Variants in DNAH11 observed in about 807,000 individuals in gnomAD.
The protein encoded by DNAH11 is dynein axonemal heavy chain 11, also known as axonemal beta dynein heavy chain 11.
A neutral mutation model predicts 526.0 loss-of-function variants in DNAH11; 442 were observed. That is an observed-to-expected ratio of 0.84 (90% CI 0.78 to 0.91). DNAH11 has a LOEUF of 0.91. Ranked by LOEUF, DNAH11 falls within the 40% of genes least tolerant of loss-of-function variation. The pLI is 0.00. For synonymous variants in DNAH11, 2,461 were observed against 1,935.9 expected (o/e 1.27, Z -7.12); for missense variants, 6,989 against 5,448.7 (o/e 1.28, Z -8.90).
chr7:21,619,291 A>C, intron 24 of DNAH11, 69 bp downstream of exon 24: 2 of 1,544,216 alleles, frequency 1.3e-6, no homozygotes, highest in South Asian at 2.4e-5. Flanking sequence ...GCCAACTTAG[A>C]GAAAAGTCCT....
At chr7:21,545,246 G>C (rs1356988322) in intron 2 of DNAH11, 97 bp downstream of exon 2, 1 of 829,452 alleles carries the variant, frequency 1.2e-6, no homozygotes, top group African/African-American at 2.1e-5. Context: ...GAAGAGCTAG[G>C]AGGGGAAGGG....
chr7:21,822,001 C>T (rs375018924), intron 65 of DNAH11, among the ~76,000 whole-genome samples: 2 of 151,854 alleles, frequency 1.3e-5, no homozygotes, highest in East Asian at 1.9e-4. Flanking sequence ...TAACATAATA[C>T]CCTCCAGTTC....
chr7:21,630,995 G>T (rs565281558), intron 25 of DNAH11, among the ~76,000 whole-genome samples: 1 of 152,040 alleles, frequency 6.6e-6, no homozygotes, highest in Non-Finnish European at 1.5e-5. Context: ...TCCTGATAAC[G>T]ACATACCCAG....
At chr7:21,563,859 G>A (rs1003792467) in intron 5 of DNAH11, among the ~76,000 whole-genome samples, 1 of 152,128 alleles carries the variant, frequency 6.6e-6, no homozygotes, top group South Asian at 2.1e-4. Flanking sequence ...ATTGCAGAGA[G>A]GTTTTATTCC....
In DNAH11 at chr7:21,590,125, A is replaced by G. The variant is rs187902672; in HGVS notation, c.2169+722A>G. 2.0e-5 allele frequency among the ~76,000 whole-genome samples: 3 copies of G among 152,310 alleles called. No individual in the cohort carries two copies. The East Asian group carries it at 5.8e-4, about 29-fold the overall frequency. ...TTCTCAATTCTCATAATTTCATTAC[A>G]TGTTATGTAACAATGGGATTTTTGT... On this transcript the variant is annotated intron_variant, in intron 12 of 81. Coordinates refer to ENST00000409508, the MANE Select transcript of DNAH11 (RefSeq NM_001277115.2).
At chr7:21,560,018 T>C (rs1783391198) in intron 4 of DNAH11, among the ~76,000 whole-genome samples, 1 of 152,210 alleles carries the variant, frequency 6.6e-6, no homozygotes, top group African/African-American at 2.4e-5. Context: ...TTGGAAATAT[T>C]GTGCTACCTT....
intron 76 of DNAH11, among the ~76,000 whole-genome samples, chr7:21,885,960 G>T (rs1359000811): frequency 2.6e-5 from 4 of 152,142 alleles, no homozygotes; most frequent in African/African-American, 7.2e-5. Flanking sequence ...GTACTACAGA[G>T]GGTGAGCGTG....
chr7:21,901,371 TTTTTCAACGC>T lies in DNAH11; in HGVS notation c.*119_*128del. The T allele has an allele frequency of 2.2e-6, 3 of 1,338,330 alleles. No individual in the cohort carries two copies. Among genetic ancestry groups the T allele is most frequent in the Non-Finnish European group, 2.9e-6 (3 of 1,026,968 alleles). 82.9% of individuals were successfully genotyped at this position (1,338,330 alleles called of 1,614,324 possible). A position where few individuals can be genotyped will look rare whatever the true frequency, so the allele number is the denominator to read the frequency against. On this transcript the variant is annotated 3_prime_UTR_variant, in exon 82 of 82. Coordinates refer to ENST00000409508, the MANE Select transcript of DNAH11 (RefSeq NM_001277115.2). Reference sequence around the variant, plus strand: ...TTTTAGTAACTCACACGTGCATTCTTTTTTCAACGCTATCCTTAGAGTGAAAGTCAGAAAA... The same window carrying T: ...TTTTAGTAACTCACACGTGCATTCTTTATCCTTAGAGTGAAAGTCAGAAAA...
At chr7:21,570,499 A>C in intron 7 of DNAH11, 200 bp downstream of exon 7, 1 of 460,746 alleles carries the variant, frequency 2.2e-6, no homozygotes, top group East Asian at 3.4e-5. Context: ...ATTTTTTAAA[A>C]GTTCATTTTT....
At position 21,735,042 on chromosome 7, in the gene DNAH11, C is replaced by T. The variant is rs552024690; in HGVS notation, c.7441-598C>T. Among the ~76,000 whole-genome samples the T allele has an allele frequency of 8.7e-5, 13 of 149,204 alleles. 1 individual carries two copies. The East Asian group carries it at 2.4e-3, about 28-fold the overall frequency. ...AAAATTAGCCGGGCGTGGTGGTGCA[C>T]ACCTGTAGTCCCAACTACTCAGGAG... On this transcript the variant is annotated intron_variant, in intron 45 of 81. Coordinates refer to ENST00000409508, the MANE Select transcript of DNAH11 (RefSeq NM_001277115.2).
At chr7:21,899,490 A>G (rs1332744228) in intron 80 of DNAH11, 42 bp downstream of exon 80, 2 of 1,480,786 alleles carry the variant, frequency 1.4e-6, no homozygotes, top group Non-Finnish European at 1.9e-6. Context: ...ACACAGGACC[A>G]CAGCCTAACC....
chr7:21,727,724 G>A (rs888803946), intron 45 of DNAH11, among the ~76,000 whole-genome samples: 13 of 152,234 alleles, frequency 8.5e-5, no homozygotes, highest in African/African-American at 3.1e-4. Context: ...TTATTAGGAG[G>A]CAATTAGTGC....
At chr7:21,614,074 G>C (rs1228950932) in intron 20 of DNAH11, among the ~76,000 whole-genome samples, 1 of 152,024 alleles carries the variant, frequency 6.6e-6, no homozygotes, top group African/African-American at 2.4e-5. Flanking sequence ...ACTGTGCCCA[G>C]CCTCGCAATT....
chr7:21,803,653 TC>T (rs1012766699), intron 62 of DNAH11, among the ~76,000 whole-genome samples: 2 of 150,116 alleles, frequency 1.3e-5, no homozygotes, highest in African/African-American at 4.9e-5. Flanking sequence ...ATCATTGAAG[TC>T]TGGAAAAGTG....
intron 4 of DNAH11, among the ~76,000 whole-genome samples, chr7:21,560,179 C>G (rs529007267): frequency 7.6e-4 from 115 of 152,146 alleles, no homozygotes; most frequent in Non-Finnish European, 1.5e-3. Context: ...GCTTGCCATA[C>G]AAATTACTTA....
rs184452093 is a variant in DNAH11 at position 21,698,350 on chromosome 7, T to A, written c.6180+137T>A. On this transcript the variant is annotated intron_variant, in intron 36 of 81. Coordinates refer to ENST00000409508, the MANE Select transcript of DNAH11 (RefSeq NM_001277115.2). ...TTGTACTTAAAAAAATTCAATAGTTTGGGGGAACAGGTGTTTTTTGGTTAC... is the reference window on the plus strand; with the variant it reads ...TTGTACTTAAAAAAATTCAATAGTTAGGGGGAACAGGTGTTTTTTGGTTAC... 3.7e-3 allele frequency: 4,612 copies of A among 1,252,176 alleles called. 11 individuals are homozygous for A. Among genetic ancestry groups the A allele is most frequent in the Non-Finnish European group, 4.7e-3 (4,328 of 912,410 alleles). 77.6% of individuals were successfully genotyped at this position (1,252,176 alleles called of 1,614,324 possible).
chr7:21,720,956 T>C, intron 44 of DNAH11, 100 bp downstream of exon 44: 3 of 1,421,980 alleles, frequency 2.1e-6, no homozygotes, highest in East Asian at 2.5e-5. Context: ...TGTTATGTTA[T>C]AGATCTATAC....
At chr7:21,855,347 G>A (rs1782804126) in intron 68 of DNAH11, among the ~76,000 whole-genome samples, 1 of 152,108 alleles carries the variant, frequency 6.6e-6, no homozygotes, top group Admixed American at 6.6e-5. Context: ...CTCTTTAAGG[G>A]AATTTTCCTT....
At chr7:21,729,253 T>C (rs1262884719) in intron 45 of DNAH11, among the ~76,000 whole-genome samples, 1 of 152,240 alleles carries the variant, frequency 6.6e-6, no homozygotes, top group Non-Finnish European at 1.5e-5. Context: ...CATTTTGTCC[T>C]GTTTCCATCC....
Sources: gnomAD v4.1 joint callset for allele counts (sites outside exome capture counted in the v4.1 genomes callset) on GRCh38, gnomAD v4.1.1 for gene constraint, MANE v1.5 for transcripts, NCBI Gene and HGNC (gene_info 2026-07-23, HGNC 2026-07-21) for gene names.